Variants in NIM1K observed in about 807,000 individuals in gnomAD.
NIM1K encodes the protein serine/threonine-protein kinase NIM1.
NIM1K carries 35 observed loss-of-function variants against 37.1 expected under a neutral mutation model. The ratio of observed to expected loss-of-function variants is 0.94; its 90% CI spans 0.72 to 1.25. The LOEUF is 1.25. Among genes scored for constraint, NIM1K ranks in the 50% most tolerant of loss-of-function variants. The pLI is 0.00. For missense variants in NIM1K, 564 were observed against 548.0 expected (o/e 1.03, Z -0.29); for synonymous variants, 234 against 206.6 (o/e 1.13, Z -1.14).
intron 3 of NIM1K, among the ~76,000 whole-genome samples, chr5:43,277,741 T>C (rs894468555): frequency 2.0e-5 from 3 of 150,748 alleles, no homozygotes; most frequent in Admixed American, 6.6e-5. Context: ...ATGCCCAGCT[T>C]GGTTCTCTCT....
At chr5:43,273,230 G>A (rs1460051309) in intron 2 of NIM1K, among the ~76,000 whole-genome samples, 1 of 150,266 alleles carries the variant, frequency 6.7e-6, no homozygotes, top group Non-Finnish European at 1.5e-5. Flanking sequence ...TTGAGGTGGA[G>A]TCTCACTCTG....
intron 1 of NIM1K, among the ~76,000 whole-genome samples, chr5:43,208,869 T>A (rs1037746010): frequency 2.0e-5 from 3 of 152,182 alleles, no homozygotes; most frequent in Non-Finnish European, 4.4e-5. Context: ...GAGGTGAGAT[T>A]TAATTCACTG....
chr5:43,244,868 C>T (rs1262964602), intron 1 of NIM1K, among the ~76,000 whole-genome samples: 3 of 151,988 alleles, frequency 2.0e-5, no homozygotes, highest in African/African-American at 7.3e-5. Flanking sequence ...TATGTACGGA[C>T]CTTAGGGGCT....
intron 1 of NIM1K, among the ~76,000 whole-genome samples, chr5:43,213,284 CCTTTCCTTTT>C (rs1326054051): frequency 0.32 from 34,216 of 108,408 alleles, 6,399 homozygotes; most frequent in Middle Eastern, 0.44. Context: ...TTTCTTGTTT[CCTTTCCTTTT>C]CTTTTCTTTT....
chr5:43,230,450 G>A (rs1752521065), intron 1 of NIM1K, among the ~76,000 whole-genome samples: 2 of 152,072 alleles, frequency 1.3e-5, no homozygotes, highest in South Asian at 4.1e-4. Context: ...CCCATGACTG[G>A]AACTCAGATA....
rs1753068036 is a variant in NIM1K, at chr5:43,263,457, C to T, written c.293-13600C>T. Among the ~76,000 whole-genome samples the T allele has an allele frequency of 2.6e-5, 4 of 151,664 alleles. No homozygotes were observed. In the South Asian group the frequency reaches 8.3e-4, roughly 32 times the overall value. On this transcript the variant is annotated intron_variant, in intron 2 of 3. Transcript: ENST00000326035. The stretch of plus-strand genomic sequence containing the variant: ...ATTTCTGTGGGATCGGTGGTGATAT[C>T]CCCTTTATCATTTTTTATTGCCTCT...
intron 2 of NIM1K, among the ~76,000 whole-genome samples, chr5:43,261,430 C>A (rs1197827706): frequency 6.6e-6 from 1 of 152,066 alleles, no homozygotes; most frequent in Non-Finnish European, 1.5e-5. Context: ...CTGTTTATAT[C>A]CTTTGCCCAC....
chr5:43,195,045 G>C (rs1320578396), intron 1 of NIM1K, among the ~76,000 whole-genome samples: 1 of 151,966 alleles, frequency 6.6e-6, no homozygotes, highest in Non-Finnish European at 1.5e-5. Context: ...ATTTCTCTAG[G>C]GATTAAAGAG....
intron 2 of NIM1K, among the ~76,000 whole-genome samples, chr5:43,275,619 G>A (rs1018722233): frequency 6.6e-6 from 1 of 152,182 alleles, no homozygotes; most frequent in East Asian, 1.9e-4. Flanking sequence ...TTACATGCCA[G>A]GCACTGAGAG....
chr5:43,244,466 A>G (rs1415379563), intron 1 of NIM1K, among the ~76,000 whole-genome samples: 1 of 152,208 alleles, frequency 6.6e-6, no homozygotes, highest in East Asian at 1.9e-4. Flanking sequence ...TCCCGATGAC[A>G]TCGTAGGTGG....
chr5:43,232,032 G>T, intron 1 of NIM1K: 5 of 1,019,514 alleles, frequency 4.9e-6, no homozygotes, highest in Non-Finnish European at 6.0e-6. Flanking sequence ...CTGTGGTATT[G>T]CTCAGCATGC....
intron 1 of NIM1K, among the ~76,000 whole-genome samples, chr5:43,229,232 A>C (rs966300892): frequency 3.9e-5 from 6 of 152,090 alleles, no homozygotes; most frequent in African/African-American, 1.2e-4. Flanking sequence ...TAAAAATACA[A>C]AAATTAGCCG....
At position 43,255,137 on chromosome 5, in the gene NIM1K, A is replaced by G. The variant is rs76441735; in HGVS notation, c.292+9070A>G. On this transcript the variant is annotated intron_variant, in intron 2 of 3. Coordinates refer to ENST00000326035, the MANE Select transcript of NIM1K (RefSeq NM_153361.4). Reference sequence around the variant, plus strand: ...ACACTGGGCAGAAGATTCCATAGCCATGAGAAATCATGATTATGAAGACTC... The same window carrying G: ...ACACTGGGCAGAAGATTCCATAGCCGTGAGAAATCATGATTATGAAGACTC... Among the ~76,000 whole-genome samples the G allele has an allele frequency of 8.4e-3, 1,277 of 152,322 alleles. 70 individuals are homozygous for G. In the East Asian group the frequency reaches 0.15, roughly 18 times the overall value.
In NIM1K at chr5:43,277,122, C is replaced by G; in HGVS notation, c.358C>G (p.Arg120Gly). 6.2e-7 allele frequency: 1 copy of G among 1,614,116 alleles called. No homozygotes were observed. The highest frequency in any genetic ancestry group is 1.1e-5 in the South Asian group (1 of 91,080). ...CCAGAAAACCCAGAGGCTACTATCCCGAGAAATCTCCAGCATGGAAAAGCT... is the reference window on the plus strand; with the variant it reads ...CCAGAAAACCCAGAGGCTACTATCCGGAGAAATCTCCAGCATGGAAAAGCT... ...LDQKTQRLLSREISSMEKLHH... is the reference protein window; with the variant it reads ...LDQKTQRLLSGEISSMEKLHH... Residue 120 changes from arginine (R) to glycine (G), a missense_variant, in exon 3 of 4, where the codon CGA becomes GGA. By Grantham distance (125) the Arg-to-Gly change is moderately radical. Transcript: ENST00000326035.
At chr5:43,259,060 C>G (rs1188670012) in intron 2 of NIM1K, among the ~76,000 whole-genome samples, 1 of 152,114 alleles carries the variant, frequency 6.6e-6, no homozygotes, top group Non-Finnish European at 1.5e-5. Context: ...GCCTCCAGCT[C>G]CATCCAAGTT....
intron 1 of NIM1K, among the ~76,000 whole-genome samples, chr5:43,243,691 T>C (rs372039294): frequency 6.6e-6 from 1 of 152,180 alleles, no homozygotes; most frequent in South Asian, 2.1e-4. Flanking sequence ...GCTTTGTTTT[T>C]TTGAGACAGG....
At position 43,277,222 on chromosome 5, in the gene NIM1K, C is replaced by T; in HGVS notation, c.458C>T (p.Ala153Val). 6.2e-7 allele frequency: 1 copy of T among 1,613,994 alleles called. No homozygotes were observed. Among genetic ancestry groups the T allele is most frequent in the Non-Finnish European group, 8.5e-7 (1 of 1,179,982 alleles). ...LSKLHLVMEY[A>V]GGGELFGKIS... is the part of the protein sequence containing the mutation. Reference sequence around the variant, plus strand: ...AAGCTGCACTTGGTGATGGAGTATGCAGGGGGTGGGGAGCTCTTCGGAAAA... The same window carrying T: ...AAGCTGCACTTGGTGATGGAGTATGTAGGGGGTGGGGAGCTCTTCGGAAAA... The change falls in exon 3 of 4, where the codon GCA becomes GTA. Residue 153 changes from alanine to valine, a missense_variant. Coordinates refer to ENST00000326035, the MANE Select transcript of NIM1K (RefSeq NM_153361.4).
chr5:43,266,784 T>C (rs2112293287), intron 2 of NIM1K, among the ~76,000 whole-genome samples: 1 of 152,364 alleles, frequency 6.6e-6, no homozygotes, highest in East Asian at 1.9e-4. Context: ...ATCTTCCCTC[T>C]ATCTCTGGGA....
chr5:43,215,673 A>T (rs1752289597), intron 1 of NIM1K, among the ~76,000 whole-genome samples: 1 of 152,178 alleles, frequency 6.6e-6, no homozygotes, highest in Admixed American at 6.5e-5. Flanking sequence ...ACCGCAAGTG[A>T]TCTGCCCACC....
Sources: gnomAD v4.1 joint callset for allele counts (sites outside exome capture counted in the v4.1 genomes callset) on GRCh38, gnomAD v4.1.1 for gene constraint, MANE v1.5 for transcripts, NCBI Gene and HGNC (gene_info 2026-07-23, HGNC 2026-07-21) for gene names.